Variants in MORC4 observed in about 807,000 individuals in gnomAD.
The protein encoded by MORC4 is MORC family CW-type zinc finger 4.
MORC4 carries 22 observed loss-of-function variants against 65.5 expected under a neutral mutation model. The ratio of observed to expected loss-of-function variants is 0.34; its 90% confidence interval spans 0.24 to 0.48. The LOEUF is 0.48. Ranked by LOEUF, MORC4 falls within the 20% of genes least tolerant of loss-of-function variation. MORC4 has a pLI of 0.99. For synonymous variants in MORC4, 267 were observed against 255.8 expected (o/e 1.04, Z -0.42); for missense variants, 624 against 703.0 (o/e 0.89, Z 1.27).
chrX:106,971,087 A>T (rs1225780761), intron 9 of MORC4, among the ~76,000 whole-genome samples: 4 of 111,931 alleles, frequency 3.6e-5, no homozygotes, highest in Non-Finnish European at 7.5e-5. Context: ...TACAGTAACC[A>T]AAACAGCATG....
intron 14 of MORC4, among the ~76,000 whole-genome samples, chrX:106,946,556 C>T (rs1351013828): frequency 8.9e-6 from 1 of 112,037 alleles, no homozygotes; most frequent in East Asian, 2.8e-4. Context: ...AAATTGCATC[C>T]ACTTTTTGGC....
At chrX:106,991,848 T>C (rs1382688887) in intron 3 of MORC4, among the ~76,000 whole-genome samples, 1 of 111,464 alleles carries the variant, frequency 9.0e-6, no homozygotes, top group Non-Finnish European at 1.9e-5. Flanking sequence ...GAGGTTGCAG[T>C]GAGCTGAGAT....
chrX:106,976,035 C>G (rs1452317333), intron 9 of MORC4, among the ~76,000 whole-genome samples: 1 of 111,403 alleles, frequency 9.0e-6, no homozygotes, highest in Admixed American at 9.6e-5. Flanking sequence ...ACAAACTATT[C>G]TAACCTGGCT....
At chrX:106,994,094 C>T (rs935089864) in intron 2 of MORC4, among the ~76,000 whole-genome samples, 1 of 112,403 alleles carries the variant, frequency 8.9e-6, no homozygotes. Context: ...GTTCACGATT[C>T]CTCCTGATTT....
intron 9 of MORC4, among the ~76,000 whole-genome samples, chrX:106,976,290 C>T (rs377053716): frequency 1.8e-5 from 2 of 111,687 alleles, no homozygotes; most frequent in East Asian, 5.6e-4. Flanking sequence ...TCATCTGTTT[C>T]CATTAAGATC....
intron 10 of MORC4, 21 bp downstream of exon 10, chrX:106,961,991 T>C (rs1934256572): frequency 1.9e-6 from 2 of 1,058,292 alleles, no homozygotes; most frequent in African/African-American, 3.7e-5. Context: ...AATACATTCA[T>C]ATTCTGTATG....
At chrX:106,976,807 G>T in intron 8 of MORC4, 123 bp from the exon 9 acceptor site, 1 of 448,799 alleles carries the variant, frequency 2.2e-6, no homozygotes, top group Non-Finnish European at 3.9e-6. Context: ...AGACCATCAA[G>T]ATCTAGAGAA....
At chrX:106,943,279 A>C (rs1933744003) in intron 14 of MORC4, 74 bp from the exon 15 acceptor site, 2 of 822,602 alleles carry the variant, frequency 2.4e-6, no homozygotes, top group South Asian at 2.5e-5. Flanking sequence ...TGGAGCCCCA[A>C]CTCAAACTTC....
chrX:106,967,852 G>GA (rs1218326258), intron 9 of MORC4, among the ~76,000 whole-genome samples: 2 of 112,235 alleles, frequency 1.8e-5, no homozygotes, highest in Non-Finnish European at 3.8e-5. Context: ...TGGTGATCCT[G>GA]AAAGTGACAG....
At chrX:106,941,659 G>A (rs753231830) in intron 16 of MORC4, 27 bp from the exon 17 acceptor site, 25 of 1,193,620 alleles carry the variant, frequency 2.1e-5, no homozygotes, top group Non-Finnish European at 2.4e-5. Flanking sequence ...GGGGGCAGGA[G>A]AAGAGATGAC....
Position 106,942,530 on chromosome X carries a change from A to G in MORC4, c.2361T>C (p.Asn787=). The G allele has an allele frequency of 8.3e-7, 1 of 1,209,594 alleles. No individual in the cohort carries two copies. The highest frequency in any genetic ancestry group is 1.7e-5 in the African/African-American group (1 of 57,669). ...TTACCCTAACCTTTTGCTGGAACAA[A>G]TTCCTTTCAGCCAAAACACGTTCCA... ...EKLERVLAER[N]LFQQKVEELE... The change falls in exon 15 of 17, where the codon AAT becomes AAC. Residue 787 remains asparagine, a synonymous_variant. Coordinates refer to ENST00000355610, the MANE Select transcript of MORC4 (RefSeq NM_024657.5).
At chrX:106,984,141 CCA>C (rs1308313044) in intron 5 of MORC4, among the ~76,000 whole-genome samples, 2 of 109,823 alleles carry the variant, frequency 1.8e-5, no homozygotes, top group Middle Eastern at 4.2e-3. Flanking sequence ...TAAAAATTAG[CCA>C]GACATGGTGG....
At chrX:106,971,982 G>T (rs1934524956) in intron 9 of MORC4, among the ~76,000 whole-genome samples, 1 of 111,803 alleles carries the variant, frequency 8.9e-6, no homozygotes, top group African/African-American at 3.3e-5. Context: ...ATACCCAAAG[G>T]ATTATAAATC....
chrX:106,966,090 G>A (rs769825214), intron 9 of MORC4, among the ~76,000 whole-genome samples: 2 of 111,814 alleles, frequency 1.8e-5, no homozygotes, highest in South Asian at 7.6e-4. Flanking sequence ...ACAAATTGAC[G>A]AATGAACTGT....
At position 106,978,126 on chromosome X, in the gene MORC4, T is replaced by C; in HGVS notation, c.1010A>G (p.Asn337Ser). 2.5e-6 allele frequency: 3 copies of C among 1,208,480 alleles called. No individual in the cohort carries two copies. The highest frequency in any genetic ancestry group is 3.4e-6 in the Non-Finnish European group (3 of 892,820). The change falls in exon 8 of 17, where the codon AAC becomes AGC. Residue 337 changes from asparagine (N) to serine (S), a missense_variant. By Grantham distance (46) the Asn-to-Ser change is conservative (BLOSUM62 1). Coordinates refer to ENST00000355610, the MANE Select transcript of MORC4 (RefSeq NM_024657.5). ...SNQFGIMMYH[N>S]NRLIKSFEKV... ...CTCAAAAGATTTTATGAGTCGGTTGTTATGATACATCATTATTCCAAACTG... is the reference window on the plus strand; with the variant it reads ...CTCAAAAGATTTTATGAGTCGGTTGCTATGATACATCATTATTCCAAACTG...
chrX:106,949,019 C>T (rs1276339085), intron 14 of MORC4, among the ~76,000 whole-genome samples: 1 of 111,666 alleles, frequency 9.0e-6, no homozygotes, highest in Non-Finnish European at 1.9e-5. Context: ...CATTTTCTCT[C>T]TATTCTTCTA....
In MORC4 at chrX:106,979,871, A is replaced by G. The variant is rs1466976705; in HGVS notation, c.936+1020T>C. Among the ~76,000 whole-genome samples the G allele has an allele frequency of 8.1e-5, 9 of 110,980 alleles. No homozygotes were observed. The Admixed American group carries it at 8.7e-4, about 11-fold the overall frequency. ...GTCTACATATGGTGAGATTATAACTAATTCACCTATAGAAGCAAACAATGC... is the reference window on the plus strand; with the variant it reads ...GTCTACATATGGTGAGATTATAACTGATTCACCTATAGAAGCAAACAATGC... On this transcript the variant is annotated intron_variant, in intron 7 of 16. Transcript: ENST00000355610.
chrX:106,958,691 G>A (rs771957302), intron 10 of MORC4, among the ~76,000 whole-genome samples: 1 of 111,961 alleles, frequency 8.9e-6, no homozygotes, highest in East Asian at 2.8e-4. Flanking sequence ...TTAACATGGT[G>A]AGCTACTTTT....
intron 5 of MORC4, among the ~76,000 whole-genome samples, chrX:106,982,962 C>A (rs181263691): frequency 9.0e-6 from 1 of 111,403 alleles, no homozygotes; most frequent in Admixed American, 9.5e-5. Context: ...GTTGAATATC[C>A]CTTAACTGAA....
Sources: gnomAD v4.1 joint callset for allele counts (sites outside exome capture counted in the v4.1 genomes callset) on GRCh38, gnomAD v4.1.1 for gene constraint, MANE v1.5 for transcripts, NCBI Gene and HGNC (gene_info 2026-07-23, HGNC 2026-07-21) for gene names.